The following GSE1 variants were observed in gnomAD, a reference collection of about 807,000 sequenced individuals.
The protein encoded by GSE1 is Gse1 coiled-coil protein.
A neutral mutation model predicts 112.6 loss-of-function variants in GSE1; 32 were observed. The ratio of observed to expected loss-of-function variants is 0.28; its 90% CI spans 0.21 to 0.38. The LOEUF (loss-of-function observed/expected upper bound fraction) is 0.38. Ranked by LOEUF, GSE1 falls within the 10% of genes least tolerant of loss-of-function variation. The pLI is 1.00. For synonymous variants in GSE1, 1,115 were observed against 735.6 expected (o/e 1.52, Z -8.35); for missense variants, 2,348 against 1,699.2 (o/e 1.38, Z -6.71).
chr16:85,638,341 C>T (rs940659892), intron 2 of GSE1, among the ~76,000 whole-genome samples: 6 of 152,180 alleles, frequency 3.9e-5, no homozygotes, highest in Admixed American at 2.0e-4. Flanking sequence ...CTCAGTCACC[C>T]GCCCACCAGC....
At chr16:85,359,281 G>T in intron 2 of GSE1, 2 of 419,710 alleles carry the variant, frequency 4.8e-6, no homozygotes, top group Non-Finnish European at 9.6e-6. Flanking sequence ...CGGCTCACGG[G>T]TCAGTGGAGG....
intron 1 of GSE1, among the ~76,000 whole-genome samples, chr16:85,300,080 C>T (rs1284249583): frequency 6.6e-6 from 1 of 151,944 alleles, no homozygotes; most frequent in Non-Finnish European, 1.5e-5. Context: ...GGCACCATCT[C>T]AGCTCACCGT....
chr16:85,389,600 T>TTCTGTCCTCC (rs2047789923), intron 2 of GSE1, among the ~76,000 whole-genome samples: 2 of 152,208 alleles, frequency 1.3e-5, no homozygotes, highest in African/African-American at 4.8e-5. Context: ...ATGTCTCTGC[T>TTCTGTCCTCC]TCTGTCCTCC....
intron 2 of GSE1, among the ~76,000 whole-genome samples, chr16:85,435,433 CT>C (rs1276995548): frequency 6.6e-6 from 1 of 152,214 alleles, no homozygotes; most frequent in Non-Finnish European, 1.5e-5. Flanking sequence ...TGCACCCTCC[CT>C]CCCTCTCCCT....
intron 2 of GSE1, among the ~76,000 whole-genome samples, chr16:85,423,015 C>T (rs1462233718): frequency 2.6e-5 from 4 of 152,194 alleles, no homozygotes; most frequent in East Asian, 1.9e-4. Flanking sequence ...CTACTCCCAG[C>T]CCCTGGTCCA....
chr16:85,623,359 G>A (rs951898500), intron 1 of GSE1, among the ~76,000 whole-genome samples: 1 of 152,054 alleles, frequency 6.6e-6, no homozygotes, highest in South Asian at 2.1e-4. Context: ...GATTATAGGC[G>A]TGAGCCACTG....
At chr16:85,587,361 C>T (rs1567618408) in intron 1 of GSE1, among the ~76,000 whole-genome samples, 2 of 152,228 alleles carry the variant, frequency 1.3e-5, no homozygotes, top group Non-Finnish European at 2.9e-5. Context: ...AATTTCTTAT[C>T]CCAAGGTAAA....
At chr16:85,182,487 T>A (rs1341433250) in intron 1 of GSE1, among the ~76,000 whole-genome samples, 1 of 152,192 alleles carries the variant, frequency 6.6e-6, no homozygotes, top group African/African-American at 2.4e-5. Context: ...TGCCTCAACC[T>A]CTTTCTCTTC....
intron 2 of GSE1, among the ~76,000 whole-genome samples, chr16:85,644,780 G>A (rs1480264806): frequency 6.6e-6 from 1 of 152,026 alleles, no homozygotes; most frequent in Non-Finnish European, 1.5e-5. Flanking sequence ...CGCTGGGTGG[G>A]TGAATTACGC....
intron 2 of GSE1, among the ~76,000 whole-genome samples, chr16:85,514,329 C>T (rs548081160): frequency 6.6e-6 from 1 of 152,100 alleles, no homozygotes; most frequent in East Asian, 1.9e-4. Context: ...GGAAACACCT[C>T]TGCACTGCTG....
chr16:85,379,683 C>T (rs1240536395), intron 2 of GSE1, among the ~76,000 whole-genome samples: 1 of 152,224 alleles, frequency 6.6e-6, no homozygotes, highest in African/African-American at 2.4e-5. Context: ...ACCCTGCTCC[C>T]TGCCAGGCCA....
intron 2 of GSE1, among the ~76,000 whole-genome samples, chr16:85,640,746 C>G (rs1168373972): frequency 1.3e-5 from 2 of 152,262 alleles, no homozygotes; most frequent in African/African-American, 2.4e-5. Context: ...AACAGCAAAA[C>G]AAACACGGAG....
chr16:85,330,961 C>T (rs2046327788), intron 1 of GSE1, among the ~76,000 whole-genome samples: 2 of 152,068 alleles, frequency 1.3e-5, no homozygotes, highest in South Asian at 4.1e-4. Flanking sequence ...ATTTCAAAGC[C>T]TGGCTTTGGG....
chr16:85,615,036 C>A (rs891184426), intron 1 of GSE1, among the ~76,000 whole-genome samples: 1 of 152,208 alleles, frequency 6.6e-6, no homozygotes, highest in Non-Finnish European at 1.5e-5. Flanking sequence ...TCCGTGCTCC[C>A]GCCTCCCGGC....
At chr16:85,434,861 G>A (rs559479501) in intron 2 of GSE1, among the ~76,000 whole-genome samples, 1 of 152,314 alleles carries the variant, frequency 6.6e-6, no homozygotes, top group Non-Finnish European at 1.5e-5. Flanking sequence ...GACAGGCCAG[G>A]GGCTGGGCTT....
At chr16:85,492,533 T>G (rs2051043305) in intron 2 of GSE1, among the ~76,000 whole-genome samples, 1 of 152,180 alleles carries the variant, frequency 6.6e-6, no homozygotes, top group African/African-American at 2.4e-5. Context: ...CCACAAGAGT[T>G]CAATGAGGGG....
At chr16:85,294,028 G>A (rs907567631) in intron 1 of GSE1, among the ~76,000 whole-genome samples, 2 of 152,244 alleles carry the variant, frequency 1.3e-5, no homozygotes, top group African/African-American at 4.8e-5. Context: ...CAATGGGGAT[G>A]GCAGCAGTGA....
intron 3 of GSE1, among the ~76,000 whole-genome samples, chr16:85,651,323 A>C (rs2051334252): frequency 1.3e-5 from 2 of 151,900 alleles, no homozygotes; most frequent in African/African-American, 4.8e-5. Context: ...TGTCTGTGCC[A>C]GGGTTGGCCG....
intron 1 of GSE1, among the ~76,000 whole-genome samples, chr16:85,570,513 A>G (rs936994317): frequency 5.9e-5 from 9 of 152,336 alleles, no homozygotes; most frequent in African/African-American, 1.9e-4. Context: ...ATTGAAACCC[A>G]TAACTCCACC....
Sources: gnomAD v4.1 joint callset for allele counts (sites outside exome capture counted in the v4.1 genomes callset) on GRCh38, gnomAD v4.1.1 for gene constraint, MANE v1.5 for transcripts, NCBI Gene and HGNC (gene_info 2026-07-23, HGNC 2026-07-21) for gene names.